Variants in ACSM3 observed in about 807,000 individuals in gnomAD.
ACSM3 encodes the protein acyl-CoA synthetase medium chain family member 3.
A neutral mutation model predicts 74.1 loss-of-function variants in ACSM3; 61 were observed. The ratio of observed to expected loss-of-function variants is 0.82; its 90% CI spans 0.67 to 1.02. The LOEUF (loss-of-function observed/expected upper bound fraction) is 1.02. Ranked by LOEUF, ACSM3 falls within the 50% of genes least tolerant of loss-of-function variation. The pLI is 0.00. For synonymous variants in ACSM3, 213 were observed against 241.5 expected, an observed-to-expected ratio of 0.88 and a Z score of 1.09; for missense variants, 660 against 697.0, an observed-to-expected ratio of 0.95 and a Z score of 0.60.
chr16:20,788,699 C>T (rs1027271726), intron 9 of ACSM3, among the ~76,000 whole-genome samples: 2 of 152,124 alleles, frequency 1.3e-5, no homozygotes, highest in African/African-American at 2.4e-5. Context: ...CATTTTAAGA[C>T]CCTATGAACA....
chr16:20,790,643 T>C lies in ACSM3; in HGVS notation c.1281T>C (p.Ile427=). The C allele has an allele frequency of 6.2e-7, 1 of 1,614,178 alleles. No homozygotes were observed. The highest frequency in any genetic ancestry group is 1.1e-5 in the South Asian group (1 of 91,088). Residue 427 remains isoleucine (I), a synonymous_variant, in exon 10 of 14, where the codon ATT becomes ATC. Coordinates refer to ENST00000289416, the MANE Select transcript of ACSM3 (RefSeq NM_005622.4). This position sits in a 1 kb window ranked among gnomAD's most constrained non-coding sequence, Gnocchi z 4.0. ...CTGGACAAGAAGGAGATATTGGCATTCAAGTTCTACCCAACCGACCATTTG... is the reference window on the plus strand; with the variant it reads ...CTGGACAAGAAGGAGATATTGGCATCCAAGTTCTACCCAACCGACCATTTG... ...LPPGQEGDIG[I]QVLPNRPFGL...
At chr16:20,791,409 C>T (rs764832636) in intron 10 of ACSM3, among the ~76,000 whole-genome samples, 10 of 152,208 alleles carry the variant, frequency 6.6e-5, no homozygotes, top group Non-Finnish European at 1.5e-4. Context: ...TAGCAAAAGA[C>T]TTAATTTAGT....
At chr16:20,716,499 T>C (rs557918566) in intron 1 of ACSM3, among the ~76,000 whole-genome samples, 101 of 152,246 alleles carry the variant, frequency 6.6e-4, no homozygotes, top group African/African-American at 2.4e-3. Context: ...TTGTGGCCCC[T>C]GGAATGTGCA....
In ACSM3 at chr16:20,780,745, A is replaced by G. The variant is rs757706508; in HGVS notation, c.670A>G (p.Thr224Ala). 11 of 1,614,204 alleles carry G rather than the reference A, an allele frequency of 6.8e-6. No homozygotes were observed. The highest frequency in any genetic ancestry group is 1.3e-5 in the African/African-American group (1 of 75,050). ...CAGTGACAGCCACACCTGTGTGAAGACAAAACACAATGAGATCATGGCCAT... is the reference window on the plus strand; with the variant it reads ...CAGTGACAGCCACACCTGTGTGAAGGCAAAACACAATGAGATCATGGCCAT... ...HASDSHTCVK[T>A]KHNEIMAIFF... Residue 224 changes from threonine (T) to alanine (A), a missense_variant, in exon 5 of 14, where the codon ACA (threonine) becomes GCA (alanine). By Grantham distance (58) the Thr-to-Ala change is moderately conservative. Transcript: ENST00000289416.
At chr16:20,792,828 G>A (rs2080631974) in intron 12 of ACSM3, 1 of 518,142 alleles carries the variant, frequency 1.9e-6, no homozygotes, top group South Asian at 8.4e-5. Context: ...AATAAACTCT[G>A]AATAACACAG....
intron 1 of ACSM3, chr16:20,682,141 G>T: frequency 1.0e-6 from 1 of 966,828 alleles, no homozygotes; most frequent in Non-Finnish European, 1.5e-6. Context: ...ATCTGACTGG[G>T]CTGGTGCACC....
chr16:20,744,105 A>C lies in ACSM3; in HGVS notation c.-189-5805A>C, dbSNP rs531140169. ...TCAACCGGCCCAACACAAATTAATAAACTTTCTTAAAACACTCTGAGGTTT... is the reference window on the plus strand; with the variant it reads ...TCAACCGGCCCAACACAAATTAATACACTTTCTTAAAACACTCTGAGGTTT... On this transcript the variant is annotated intron_variant, in intron 1 of 3. Transcript: ENST00000561584. Among the ~76,000 whole-genome samples the C allele has an allele frequency of 7.7e-4, 118 of 152,298 alleles. No homozygotes were observed. In the Middle Eastern group the frequency reaches 0.01, roughly 13 times the overall value.
At chr16:20,693,922 G>A (rs2079676217) in intron 1 of ACSM3, among the ~76,000 whole-genome samples, 1 of 152,142 alleles carries the variant, frequency 6.6e-6, no homozygotes, top group African/African-American at 2.4e-5. Context: ...TCTCTTAAAA[G>A]CAAAATTTAT....
At chr16:20,775,018 G>A (rs1268114940) in intron 2 of ACSM3, among the ~76,000 whole-genome samples, 1 of 152,184 alleles carries the variant, frequency 6.6e-6, no homozygotes, top group African/African-American at 2.4e-5. Context: ...TCCTGGGGCA[G>A]CCTCTCTTGA....
At position 20,711,526 on chromosome 16, in the gene ACSM3, C is replaced by G. The variant is rs578127570; in HGVS notation, c.-190+36704C>G. 23 of 1,420,494 alleles carry G rather than the reference C, an allele frequency of 1.6e-5. No individual in the cohort carries two copies. In the South Asian group the frequency reaches 2.3e-4, roughly 14 times the overall value. 88.0% of individuals were successfully genotyped at this position (1,420,494 alleles called of 1,614,324 possible). A position where few individuals can be genotyped will look rare whatever the true frequency, so the allele number is the denominator to read the frequency against. On this transcript the variant is annotated intron_variant, in intron 1 of 3. Coordinates refer to the ACSM3 transcript ENST00000561584. ...GCTGACAGCAAAATATATCCTCTAC[C>G]GGCTGCAAGCATCCAAGGCCAAGTG...
intron 1 of ACSM3, among the ~76,000 whole-genome samples, chr16:20,732,673 CT>C (rs2152409683): frequency 2.0e-5 from 3 of 152,246 alleles, no homozygotes; most frequent in Non-Finnish European, 4.4e-5. Context: ...TTATTACTTT[CT>C]TGTGGCAAAG....
chr16:20,743,421 C>CTTTAAA (rs2079944918), intron 1 of ACSM3, among the ~76,000 whole-genome samples: 1 of 152,122 alleles, frequency 6.6e-6, no homozygotes, highest in Non-Finnish European at 1.5e-5. Context: ...ATAGTCTTGG[C>CTTTAAA]AACTTATCAT....
chr16:20,728,627 A>C, intron 1 of ACSM3: 2 of 386,042 alleles, frequency 5.2e-6, no homozygotes. Flanking sequence ...ACTATCACCT[A>C]TCACCTGAGT....
At chr16:20,717,916 A>G (rs534179469) in intron 1 of ACSM3, among the ~76,000 whole-genome samples, 2 of 138,150 alleles carry the variant, frequency 1.4e-5, no homozygotes, top group African/African-American at 5.0e-5. Context: ...AAAAAAGAAG[A>G]AGAAGGAGGA....
chr16:20,778,672 G>C (rs2080288321), intron 4 of ACSM3, among the ~76,000 whole-genome samples: 1 of 152,066 alleles, frequency 6.6e-6, no homozygotes, highest in Non-Finnish European at 1.5e-5. Flanking sequence ...ACTGCCTCTA[G>C]TAAGAGATCA....
intron 1 of ACSM3, chr16:20,737,683 T>C (rs1348820936): frequency 2.3e-5 from 36 of 1,583,994 alleles, no homozygotes; most frequent in Middle Eastern, 1.7e-4. Flanking sequence ...TGAATGCCTA[T>C]GGAAAATCAC....
At position 20,797,133 on chromosome 16, in the gene ACSM3, A is replaced by G. The variant is rs988752472; in HGVS notation, c.*161A>G. On this transcript the variant is annotated 3_prime_UTR_variant, in exon 14 of 14. Transcript: ENST00000289416. ...ATGATATCAGAGGCTAAATTTTGAA[A>G]TAAAATATTTGGCAAATTCCTCCAC... The G allele has an allele frequency of 8.0e-6, 11 of 1,368,628 alleles. No homozygotes were observed. The highest frequency in any genetic ancestry group is 3.0e-5 in the African/African-American group (2 of 66,242). The allele number at this position is 1,368,628 out of a possible 1,614,324, so 84.8% of individuals were successfully genotyped here. A position where few individuals can be genotyped will look rare whatever the true frequency, so the allele number is the denominator to read the frequency against.
intron 9 of ACSM3, among the ~76,000 whole-genome samples, chr16:20,787,123 G>C (rs1363750981): frequency 6.6e-6 from 1 of 152,172 alleles, no homozygotes; most frequent in African/African-American, 2.4e-5. Context: ...TTCAAAGCTG[G>C]GTGTAGCCAA....
intron 2 of ACSM3, 76 bp downstream of exon 2, chr16:20,770,329 C>A: frequency 7.7e-7 from 1 of 1,293,654 alleles, no homozygotes; most frequent in South Asian, 1.3e-5. Flanking sequence ...TCTCTAATGT[C>A]TAGAAATATT....
Sources: gnomAD v4.1 joint callset for allele counts (sites outside exome capture counted in the v4.1 genomes callset) on GRCh38, gnomAD v4.1.1 for gene constraint, Gnocchi (gnomAD v3.1) non-coding constraint, MANE v1.5 for transcripts, NCBI Gene and HGNC (gene_info 2026-07-23, HGNC 2026-07-21) for gene names.